The following TBC1D22A variants were observed in gnomAD, a reference collection of about 807,000 sequenced individuals.
TBC1D22A encodes putative GTPase activator.
In TBC1D22A, 38 loss-of-function variants were observed where a neutral mutation model predicts 60.2. The observed-to-expected ratio is 0.63, with a 90% CI of 0.49 to 0.83. TBC1D22A has a LOEUF of 0.83. TBC1D22A is among the 40% of genes least tolerant of loss of function. The pLI is 0.00. For missense variants in TBC1D22A, 628 were observed against 701.0 expected (o/e 0.90, Z 1.18); for synonymous variants, 302 against 281.7 (o/e 1.07, Z -0.72).
intron 8 of TBC1D22A, among the ~76,000 whole-genome samples, chr22:46,973,183 G>T (rs2074144033): frequency 6.6e-6 from 1 of 152,230 alleles, no homozygotes; most frequent in South Asian, 2.1e-4. Context: ...CGAATGTGAG[G>T]TGGGCCTCTG....
intron 10 of TBC1D22A, among the ~76,000 whole-genome samples, chr22:47,015,502 T>C (rs1410922963): frequency 6.6e-6 from 1 of 152,246 alleles, no homozygotes; most frequent in African/African-American, 2.4e-5. Flanking sequence ...GAATCTGTAA[T>C]TTTCTACTTG....
At chr22:46,773,017 G>A (rs529402792) in intron 1 of TBC1D22A, among the ~76,000 whole-genome samples, 1 of 152,362 alleles carries the variant, frequency 6.6e-6, no homozygotes, top group Admixed American at 6.5e-5. Flanking sequence ...AACGGCCACA[G>A]TGTAGCACGG....
At chr22:46,858,400 G>A (rs375156390) in intron 4 of TBC1D22A, among the ~76,000 whole-genome samples, 2 of 152,202 alleles carry the variant, frequency 1.3e-5, no homozygotes, top group Non-Finnish European at 2.9e-5. Flanking sequence ...GGACCGGGCT[G>A]GAGGCAGCCG....
intron 11 of TBC1D22A, among the ~76,000 whole-genome samples, chr22:47,098,613 C>T (rs768351397): frequency 2.6e-5 from 4 of 152,282 alleles, no homozygotes; most frequent in African/African-American, 4.8e-5. Context: ...GGCATCTCCC[C>T]GACTCCATGC....
At chr22:46,815,355 A>C (rs113311203) in intron 4 of TBC1D22A, among the ~76,000 whole-genome samples, 11,264 of 151,546 alleles carry the variant, frequency 0.074, 587 homozygotes, top group Non-Finnish European at 0.11. Flanking sequence ...TGACTTAATT[A>C]CTCTTTGCCC....
chr22:47,166,727 A>C lies in TBC1D22A; in HGVS notation c.1426-6771A>C, dbSNP rs899066307. On this transcript the variant is annotated intron_variant, in intron 12 of 12. Transcript: ENST00000337137. The stretch of plus-strand genomic sequence containing the variant: ...CTCAGTGCCTGGAGTGGGGCCCGGC[A>C]TGAGGCAGCCCTGGGCATGTGGTCA... Among the ~76,000 whole-genome samples the C allele has an allele frequency of 8.5e-5, 13 of 152,372 alleles. 2 individuals carry two copies. Among genetic ancestry groups the C allele is most frequent in the African/African-American group, 1.9e-4 (8 of 41,596 alleles).
chr22:47,068,333 C>T lies in TBC1D22A; in HGVS notation c.1329+31135C>T, dbSNP rs193199668. Among the ~76,000 whole-genome samples the T allele has an allele frequency of 2.5e-3, 378 of 152,324 alleles. 1 individual carries two copies. The highest frequency in any genetic ancestry group is 4.1e-3 in the Non-Finnish European group (281 of 68,024). On this transcript the variant is annotated intron_variant, in intron 11 of 12. Coordinates refer to ENST00000337137, the MANE Select transcript of TBC1D22A (RefSeq NM_014346.5). ...TTGACACTGCTAGCCATCAGGAGAG[C>T]CAGTGTTACCAAAGGCCATCAGGAG...
chr22:47,114,348 C>A (rs1015676296), intron 12 of TBC1D22A, among the ~76,000 whole-genome samples: 4 of 151,886 alleles, frequency 2.6e-5, no homozygotes, highest in Non-Finnish European at 4.4e-5. Flanking sequence ...CGGGAGGAGG[C>A]GCTGGCAGAG....
At chr22:46,765,940 C>G (rs1047955127) in intron 1 of TBC1D22A, among the ~76,000 whole-genome samples, 2 of 148,866 alleles carry the variant, frequency 1.3e-5, no homozygotes, top group Non-Finnish European at 3.0e-5. Flanking sequence ...GCACTGGCCA[C>G]CACGCCCAGC....
At chr22:46,796,700 C>G (rs2084669164) in intron 3 of TBC1D22A, among the ~76,000 whole-genome samples, 1 of 110,776 alleles carries the variant, frequency 9.0e-6, no homozygotes, top group Non-Finnish European at 1.7e-5. Context: ...GCCTGTCCGT[C>G]TTGGGGGTCA....
rs570726941 is a variant in TBC1D22A at position 47,009,505 on chromosome 22, C to T, written c.1201+11796C>T. The stretch of plus-strand genomic sequence containing the variant: ...CACCATCATTTCATCACCATCATCA[C>T]CACCATCATCTTCACCATCACCATC... On this transcript the variant is annotated intron_variant, in intron 10 of 12. Coordinates refer to ENST00000337137, the MANE Select transcript of TBC1D22A (RefSeq NM_014346.5). This position sits in a 1 kb window ranked among gnomAD's most constrained non-coding sequence, Gnocchi z 5.8. 6.8e-6 allele frequency among the ~76,000 whole-genome samples: 1 copy of T among 148,106 alleles called. No homozygotes were observed. Among genetic ancestry groups the T allele is most frequent in the Admixed American group, 6.8e-5 (1 of 14,798 alleles).
chr22:46,936,253 G>C (rs1456243513), intron 8 of TBC1D22A, among the ~76,000 whole-genome samples: 1 of 152,176 alleles, frequency 6.6e-6, no homozygotes, highest in Non-Finnish European at 1.5e-5. Context: ...GCCTCAGTGT[G>C]GTGGGTCCTC....
At position 46,911,932 on chromosome 22, in the gene TBC1D22A, A is replaced by AAAC. The variant is rs1555944178; in HGVS notation, c.901-141_901-140insACA. On this transcript the variant is annotated intron_variant, in intron 7 of 12. Transcript: ENST00000337137. The stretch of plus-strand genomic sequence containing the variant: ...AGACCCTGTCTCAAAAAAAAAAAAA[A>AAAC]ATTGATATTTGTTTATATTTGTATC... 1,042 of 542,234 alleles carry AAAC rather than the reference A, an allele frequency of 1.9e-3. 2 individuals carry two copies. Among genetic ancestry groups the AAAC allele is most frequent in the Middle Eastern group, 2.9e-3 (7 of 2,446 alleles). The allele number at this position is 542,234 out of a possible 1,614,324, so 33.6% of individuals were successfully genotyped here. A position where few individuals can be genotyped will look rare whatever the true frequency, so the allele number is the denominator to read the frequency against.
chr22:47,015,134 C>T (rs964228098), intron 10 of TBC1D22A, among the ~76,000 whole-genome samples: 2 of 152,230 alleles, frequency 1.3e-5, no homozygotes, highest in African/African-American at 4.8e-5. Context: ...ACAGAGCCAC[C>T]GTCGGAGTCA....
intron 8 of TBC1D22A, among the ~76,000 whole-genome samples, chr22:46,959,501 C>G (rs974916543): frequency 1.3e-5 from 2 of 152,140 alleles, no homozygotes; most frequent in Admixed American, 6.5e-5. Context: ...TTTTGTGGTC[C>G]CTGGTTTGAG....
chr22:47,058,161 G>A (rs189447145), intron 11 of TBC1D22A, among the ~76,000 whole-genome samples: 19 of 152,324 alleles, frequency 1.2e-4, no homozygotes, highest in Admixed American at 2.6e-4. Flanking sequence ...CACACCCTGC[G>A]TGCGGACTCC....
At chr22:46,912,934 C>A (rs1014501662) in intron 8 of TBC1D22A, among the ~76,000 whole-genome samples, 5 of 152,144 alleles carry the variant, frequency 3.3e-5, no homozygotes, top group Admixed American at 6.5e-5. Flanking sequence ...AAAATCAAAT[C>A]TTCTTTAATT....
intron 11 of TBC1D22A, among the ~76,000 whole-genome samples, chr22:47,048,940 C>G (rs1427904824): frequency 6.6e-6 from 1 of 152,200 alleles, no homozygotes; most frequent in Non-Finnish European, 1.5e-5. Context: ...TGGTAATGAC[C>G]TTCATTTTTA....
At chr22:46,826,870 G>A (rs373382823) in intron 4 of TBC1D22A, among the ~76,000 whole-genome samples, 13 of 152,128 alleles carry the variant, frequency 8.5e-5, no homozygotes, top group African/African-American at 2.7e-4. Context: ...TGTGCAGGAC[G>A]GTTCCTGGCT....
Sources: allele counts gnomAD v4.1 joint callset (sites outside exome capture counted in the v4.1 genomes callset), GRCh38; gene constraint gnomAD v4.1.1; non-coding constraint Gnocchi (gnomAD v3.1); transcripts MANE v1.5; gene names NCBI Gene and HGNC (gene_info 2026-07-23, HGNC 2026-07-21).